The following CARD14 variants were observed in gnomAD, a reference collection of about 807,000 sequenced individuals.
CARD14 encodes the protein caspase recruitment domain-containing protein 14.
Under a neutral mutation model 111.5 loss-of-function variants are expected in CARD14, and 107 were observed. The observed-to-expected ratio is 0.96, with a 90% CI of 0.82 to 1.13. The LOEUF is 1.13. CARD14 is among the 50% of genes most tolerant of loss of function. The probability of loss-of-function intolerance (pLI) is 0.00; values close to 1 mark genes in which losing one functional copy is unlikely to be tolerated. For synonymous variants in CARD14, 617 were observed against 579.6 expected, an observed-to-expected ratio of 1.06 and a Z score of -0.93; for missense variants, 1,322 against 1,362.3, an observed-to-expected ratio of 0.97 and a Z score of 0.47.
At chr17:80,192,006 G>A (rs114658137) in intron 11 of CARD14, among the ~76,000 whole-genome samples, 2,447 of 152,302 alleles carry the variant, frequency 0.016, 67 homozygotes, top group African/African-American at 0.056. Flanking sequence ...CTCCGCATGC[G>A]GAACCCACCC....
intron 23 of CARD14, 98 bp from the exon 24 acceptor site, chr17:80,208,040 T>G: frequency 1.1e-6 from 1 of 898,564 alleles, no homozygotes; most frequent in African/African-American, 1.7e-5. Context: ...GCCACCTGTG[T>G]TTAGGGGTGT....
At chr17:80,193,760 T>G (rs1309749561) in intron 12 of CARD14, among the ~76,000 whole-genome samples, 1 of 152,046 alleles carries the variant, frequency 6.6e-6, no homozygotes, top group Non-Finnish European at 1.5e-5. Context: ...GAACACTGAG[T>G]GCACACACGG....
intron 19 of CARD14, 166 bp from the exon 20 acceptor site, chr17:80,204,061 C>A (rs2041138536): frequency 1.2e-6 from 1 of 811,514 alleles, no homozygotes; most frequent in Non-Finnish European, 1.9e-6. Context: ...CCCTGCCCAG[C>A]CTGCAGGCTC....
chr17:80,188,618 A>G lies in CARD14; in HGVS notation c.843+74A>G. ...TGGCCCTCAGGCTGTGGGGTTTCTG[A>G]CAGGTGGTTTAGTTAAGGTGAGGCT... On this transcript the variant is annotated intron_variant, in intron 8 of 23. Coordinates refer to ENST00000648509, the MANE Select transcript of CARD14 (RefSeq NM_001366385.1). This position sits in a 1 kb window ranked among gnomAD's most constrained non-coding sequence, Gnocchi z 4.5. 7.4e-7 allele frequency: 1 copy of G among 1,351,656 alleles called. No homozygotes were observed. Among genetic ancestry groups the G allele is most frequent in the Non-Finnish European group, 9.6e-7 (1 of 1,042,338 alleles). The allele number at this position is 1,351,656 out of a possible 1,614,324, so 83.7% of individuals were successfully genotyped here.
At chr17:80,204,639 A>G in intron 20 of CARD14, 1 of 333,496 alleles carries the variant, frequency 3.0e-6, no homozygotes, top group South Asian at 5.8e-5. Context: ...AAAAAAAAAA[A>G]TTTCAGGAGA....
In CARD14 at chr17:80,203,659, A is replaced by G; in HGVS notation, c.2220-163A>G. 1 of 555,116 alleles carries G rather than the reference A, an allele frequency of 1.8e-6. No homozygotes were observed. The highest frequency in any genetic ancestry group is 3.2e-6 in the Non-Finnish European group (1 of 309,898). 34.4% of individuals were successfully genotyped at this position (555,116 alleles called of 1,614,324 possible). On this transcript the variant is annotated intron_variant, in intron 18 of 23. Coordinates refer to ENST00000648509, the MANE Select transcript of CARD14 (RefSeq NM_001366385.1). The surrounding 1 kb of genome is among the most constrained non-coding windows in gnomAD (Gnocchi z 4.6). ...AGCTCTGGAGACTGGCATGGCCGCC[A>G]GGATGGAGCGCTCCAGCCTGCAGCA...
At chr17:80,208,037 G>A (rs1171520240) in intron 23 of CARD14, 101 bp from the exon 24 acceptor site, 3 of 850,596 alleles carry the variant, frequency 3.5e-6, no homozygotes, top group Admixed American at 3.2e-5. Flanking sequence ...GAGGCCACCT[G>A]TGTTTAGGGG....
At position 80,208,270 on chromosome 17, in the gene CARD14, C is replaced by G. The variant is rs148361622; in HGVS notation, c.2940C>G (p.Gly980=). ...LAPDGWSDLD[G]LLSCVRQAIA... ...CTGACGGCTGGAGCGACCTGGACGG[C>G]CTGCTCAGCTGTGTCCGCCAGGCCA... Residue 980 remains glycine (G), a synonymous_variant, in exon 24 of 24, where the codon GGC becomes GGG. Transcript: ENST00000648509. 1 of 1,595,398 alleles carries G rather than the reference C, an allele frequency of 6.3e-7. No individual in the cohort carries two copies. The highest frequency in any genetic ancestry group is 1.8e-5 in the Admixed American group (1 of 56,514).
rs574706437 is a variant in CARD14, at chr17:80,195,547, A to G, written c.1500-11A>G. On this transcript the variant is annotated splice_polypyrimidine_tract_variant and intron_variant, in intron 13 of 23. Transcript: ENST00000648509. The surrounding 1 kb of genome is among the most constrained non-coding windows in gnomAD (Gnocchi z 4.7). ...ATGCAGTTTGAGCCTGCTGCTGCTTATGCTTTGCAGCAGCTGCCTGGAGAT... is the reference window on the plus strand; with the variant it reads ...ATGCAGTTTGAGCCTGCTGCTGCTTGTGCTTTGCAGCAGCTGCCTGGAGAT... 19 of 1,607,890 alleles carry G rather than the reference A, an allele frequency of 1.2e-5. No homozygotes were observed. Among genetic ancestry groups the G allele is most frequent in the Non-Finnish European group, 1.4e-5 (16 of 1,178,204 alleles).
At chr17:80,175,444 T>C (rs2040002537) in intron 2 of CARD14, among the ~76,000 whole-genome samples, 1 of 152,170 alleles carries the variant, frequency 6.6e-6, no homozygotes, top group Non-Finnish European at 1.5e-5. Context: ...CTTTGTTGGG[T>C]TTGATCTGGA....
In CARD14 at chr17:80,208,120, C is replaced by G. The variant is rs910909016; in HGVS notation, c.2808-18C>G. ...TGCTCTCCCCTGAGCCCGCCCCCCC[C>G]AACTCTGGCCTGTGCAGGAAGGGCC... is the stretch of plus-strand genomic sequence containing the variant. On this transcript the variant is annotated intron_variant, in intron 23 of 23. Coordinates refer to ENST00000648509, the MANE Select transcript of CARD14 (RefSeq NM_001366385.1). The G allele has an allele frequency of 1.1e-5, 17 of 1,502,362 alleles. No individual in the cohort carries two copies. The highest frequency in any genetic ancestry group is 1.5e-5 in the Non-Finnish European group (17 of 1,116,228). 93.1% of individuals were successfully genotyped at this position (1,502,362 alleles called of 1,614,324 possible).
intron 2 of CARD14, among the ~76,000 whole-genome samples, chr17:80,174,362 A>G (rs2039975437): frequency 1.3e-5 from 2 of 152,034 alleles, no homozygotes; most frequent in African/African-American, 4.8e-5. Context: ...ACAGGCATGT[A>G]CCACCACACC....
At chr17:80,180,915 A>G (rs766135163) in intron 4 of CARD14, among the ~76,000 whole-genome samples, 39 of 152,220 alleles carry the variant, frequency 2.6e-4, no homozygotes, top group Middle Eastern at 3.4e-3. Flanking sequence ...GGTGCATACC[A>G]CCATGCCTGA....
intron 7 of CARD14, chr17:80,187,933 C>T: frequency 1.0e-6 from 1 of 986,016 alleles, no homozygotes; most frequent in Non-Finnish European, 1.2e-6. Context: ...GGCACGTCTA[C>T]CCCTCCGACC....
intron 20 of CARD14, 90 bp from the exon 21 acceptor site, chr17:80,204,945 A>G (rs1210978122): frequency 1.7e-6 from 2 of 1,149,096 alleles, no homozygotes; most frequent in Non-Finnish European, 1.2e-6. Flanking sequence ...TGCTGCAGTG[A>G]GCAAAGCAGA....
intron 1 of CARD14, among the ~76,000 whole-genome samples, chr17:80,171,687 T>C (rs1199424985): frequency 2.0e-5 from 3 of 152,112 alleles, no homozygotes; most frequent in African/African-American, 7.2e-5. Context: ...CTCTGGGGGC[T>C]CCAGAAGCCT....
intron 16 of CARD14, among the ~76,000 whole-genome samples, chr17:80,200,225 T>C (rs2040895761): frequency 7.1e-6 from 1 of 141,100 alleles, no homozygotes; most frequent in Non-Finnish European, 1.5e-5. Context: ...TTTCTTTACA[T>C]GTCATTTTTT....
rs1238266652 is a variant in CARD14 at position 80,203,573 on chromosome 17, C to T, written c.2220-249C>T. On this transcript the variant is annotated intron_variant, in intron 18 of 23. Transcript: ENST00000648509. This position sits in a 1 kb window ranked among gnomAD's most constrained non-coding sequence, Gnocchi z 4.6. Reference sequence around the variant, plus strand: ...CTGCTCAACAGCACCCCCTGGGTCCCGCCCCAGGACAAGTAAATCAGCATC... The same window carrying T: ...CTGCTCAACAGCACCCCCTGGGTCCTGCCCCAGGACAAGTAAATCAGCATC... 18 of 458,758 alleles carry T rather than the reference C, an allele frequency of 3.9e-5. No individual in the cohort carries two copies. The highest frequency in any genetic ancestry group is 2.9e-4 in the East Asian group (8 of 28,002). 28.4% of individuals were successfully genotyped at this position (458,758 alleles called of 1,614,324 possible).
intron 14 of CARD14, chr17:80,196,576 A>C (rs544365583): frequency 6.6e-6 from 1 of 152,196 alleles, no homozygotes; most frequent in South Asian, 2.1e-4. Context: ...TTTGCCTGTG[A>C]GCCAGGCCTA....
Sources: allele counts gnomAD v4.1 joint callset (sites outside exome capture counted in the v4.1 genomes callset), GRCh38; gene constraint gnomAD v4.1.1; non-coding constraint Gnocchi (gnomAD v3.1); transcripts MANE v1.5; gene names NCBI Gene and HGNC (gene_info 2026-07-23, HGNC 2026-07-21).